SNX27: variants seen among roughly 807,000 people sequenced by gnomAD.
SNX27 encodes sorting nexin 27, also known as sorting nexin-27.
A neutral mutation model predicts 71.6 loss-of-function variants in SNX27; 22 were observed. The ratio of observed to expected loss-of-function variants is 0.31; its 90% CI spans 0.22 to 0.44. The LOEUF (loss-of-function observed/expected upper bound fraction) is 0.44. SNX27 is among the 20% of genes least tolerant of loss of function. The pLI is 1.00. For synonymous variants in SNX27, 269 were observed against 277.2 expected, an observed-to-expected ratio of 0.97 and a Z score of 0.29; for missense variants, 531 against 698.6, an observed-to-expected ratio of 0.76 and a Z score of 2.70.
Position 151,692,432 on chromosome 1 carries a change from T to TTTTTA in SNX27, c.1240-3_1240-2insTTTTA. ...TTTTTTTTTTTTTTTTTTTTTTTTT[T>TTTTTA]AGTACCTCAACATGCTAAGGACTTG... is the stretch of plus-strand genomic sequence containing the variant. On this transcript the variant is annotated splice_polypyrimidine_tract_variant and splice_region_variant and intron_variant, in intron 8 of 11. Coordinates refer to ENST00000458013, the MANE Select transcript of SNX27 (RefSeq NM_001330723.2). 27 of 1,452,004 alleles carry TTTTTA rather than the reference T, an allele frequency of 1.9e-5. No homozygotes were observed. Among genetic ancestry groups the TTTTTA allele is most frequent in the East Asian group, 2.6e-5 (1 of 38,034 alleles). 89.9% of individuals were successfully genotyped at this position (1,452,004 alleles called of 1,614,324 possible). A position where few individuals can be genotyped will look rare whatever the true frequency, so the allele number is the denominator to read the frequency against.
intron 1 of SNX27, among the ~76,000 whole-genome samples, chr1:151,624,652 G>A (rs531797058): frequency 4.6e-5 from 7 of 150,750 alleles, no homozygotes; most frequent in East Asian, 2.0e-4. Flanking sequence ...GGTTGGTCTC[G>A]AACTCCTGAC....
intron 7 of SNX27, chr1:151,675,844 T>G (rs1308434551): frequency 8.5e-6 from 1 of 117,534 alleles, no homozygotes. Flanking sequence ...TTTTTTTTTT[T>G]TATATAGGCT....
intron 9 of SNX27, 56 bp downstream of exon 9, chr1:151,692,640 C>T: frequency 6.3e-7 from 1 of 1,578,402 alleles, no homozygotes; most frequent in Admixed American, 1.9e-5. Flanking sequence ...TTGATGCTCA[C>T]TTGCTTGTGA....
At chr1:151,620,609 T>C (rs1228931894) in intron 1 of SNX27, among the ~76,000 whole-genome samples, 3 of 152,216 alleles carry the variant, frequency 2.0e-5, no homozygotes, top group Admixed American at 6.5e-5. Flanking sequence ...GTGTTTACAA[T>C]TGATAACTTT....
rs1158433855 is a variant in SNX27, at chr1:151,694,882, T to A, written c.*465T>A. 1 of 152,766 alleles carries A rather than the reference T, an allele frequency of 6.5e-6. No homozygotes were observed. The highest frequency in any genetic ancestry group is 1.5e-5 in the Non-Finnish European group (1 of 68,146). The allele number at this position is 152,766 out of a possible 1,614,324, so 9.5% of individuals were successfully genotyped here. A position where few individuals can be genotyped will look rare whatever the true frequency, so the allele number is the denominator to read the frequency against. On this transcript the variant is annotated 3_prime_UTR_variant, in exon 12 of 12. Transcript: ENST00000458013. ...AATTTCATATTGATGGCAGTACCTT[T>A]TTTAGCTTGTGTTTTTACACACCTT...
Position 151,642,932 on chromosome 1 carries a change from G to A in SNX27, c.543+3813G>A, listed in dbSNP as rs190764571. Among the ~76,000 whole-genome samples the A allele has an allele frequency of 6.6e-5, 10 of 151,574 alleles. No homozygotes were observed. The East Asian group carries it at 1.6e-3, about 24-fold the overall frequency. Reference sequence around the variant, plus strand: ...TGGGACTACAGGCGTGAGCCACCGCGCCCTGCCTATTTTTTATTTTTGTTT... The same window carrying A: ...TGGGACTACAGGCGTGAGCCACCGCACCCTGCCTATTTTTTATTTTTGTTT... On this transcript the variant is annotated intron_variant, in intron 2 of 11. Transcript: ENST00000458013.
At chr1:151,669,434 C>T (rs1670359434) in intron 7 of SNX27, 1 of 152,134 alleles carries the variant, frequency 6.6e-6, no homozygotes, top group Non-Finnish European at 1.5e-5. Flanking sequence ...TTTCTGTGTA[C>T]TTACAATTAA....
chr1:151,681,596 C>T (rs925367859), intron 7 of SNX27, among the ~76,000 whole-genome samples: 1 of 152,092 alleles, frequency 6.6e-6, no homozygotes, highest in Non-Finnish European at 1.5e-5. Flanking sequence ...CCTTAAAATA[C>T]TCTGGGAAAT....
rs1464837373 is a variant in SNX27 at position 151,694,419 on chromosome 1, C to T, written c.*2C>T. The T allele has an allele frequency of 6.5e-7, 1 of 1,550,230 alleles. No homozygotes were observed. Among genetic ancestry groups the T allele is most frequent in the African/African-American group, 1.4e-5 (1 of 72,960 alleles). On this transcript the variant is annotated 3_prime_UTR_variant, in exon 12 of 12. Transcript: ENST00000458013. Reference sequence around the variant, plus strand: ...CAGCAGAGAGATGTGGCCACCTAGCCTTTCCTTATCCCCTTCCCTTCCCTT... The same window carrying T: ...CAGCAGAGAGATGTGGCCACCTAGCTTTTCCTTATCCCCTTCCCTTCCCTT...
intron 2 of SNX27, among the ~76,000 whole-genome samples, chr1:151,642,569 CT>C (rs1321063919): frequency 2.6e-5 from 4 of 151,964 alleles, no homozygotes; most frequent in African/African-American, 9.7e-5. Flanking sequence ...GGACACCAAT[CT>C]TTTATGTTTT....
intron 2 of SNX27, among the ~76,000 whole-genome samples, chr1:151,655,893 T>C (rs190772710): frequency 1.3e-5 from 2 of 152,202 alleles, no homozygotes; most frequent in African/African-American, 4.8e-5. Flanking sequence ...AGGAATAAGT[T>C]CCAGATGGAT....
chr1:151,646,843 G>A lies in SNX27; in HGVS notation c.543+7724G>A, dbSNP rs115591165. 6.6e-5 allele frequency among the ~76,000 whole-genome samples: 10 copies of A among 150,726 alleles called. No homozygotes were observed. The South Asian group carries it at 1.0e-3, about 16-fold the overall frequency. Reference sequence around the variant, plus strand: ...AGCATAATACCTTCTGTGTGTGTGCGTGTGTCAAGGTTTCTCTCTGTTGCC... The same window carrying A: ...AGCATAATACCTTCTGTGTGTGTGCATGTGTCAAGGTTTCTCTCTGTTGCC... On this transcript the variant is annotated intron_variant, in intron 2 of 11. Transcript: ENST00000458013.
Position 151,662,239 on chromosome 1 carries a change from A to G in SNX27, c.875A>G (p.Lys292Arg). ...PDGTTVTVRV[K>R]KNSTTDQVYQ... ...GGAACAACGGTTACAGTCAGGGTTA[A>G]AAAGAACAGTACTACAGACCAAGTA... Residue 292 changes from lysine to arginine, a missense_variant, in exon 5 of 12, where the codon AAA becomes AGA. This residue lies in a region of SNX27 where 184 missense variants were observed against 289.6 expected (regional missense o/e 0.64). Coordinates refer to ENST00000458013, the MANE Select transcript of SNX27 (RefSeq NM_001330723.2). The G allele has an allele frequency of 6.2e-7, 1 of 1,613,304 alleles. No individual in the cohort carries two copies. The highest frequency in any genetic ancestry group is 1.7e-5 in the Admixed American group (1 of 60,010).
chr1:151,677,891 T>C (rs561217243), intron 7 of SNX27: 6 of 152,242 alleles, frequency 3.9e-5, no homozygotes, highest in Non-Finnish European at 8.8e-5. Context: ...AACAGCTTTA[T>C]TGAGGTATAG....
At chr1:151,636,594 A>G (rs1196209761) in intron 1 of SNX27, among the ~76,000 whole-genome samples, 3 of 149,078 alleles carry the variant, frequency 2.0e-5, no homozygotes, top group Non-Finnish European at 4.4e-5. Context: ...TGTGAGCCAC[A>G]CTGTGCCTAG....
chr1:151,650,946 G>C (rs950120722), intron 2 of SNX27, among the ~76,000 whole-genome samples: 2 of 152,206 alleles, frequency 1.3e-5, no homozygotes, highest in African/African-American at 4.8e-5. Context: ...AGGATCCCAA[G>C]GCAGAAGAAG....
At position 151,693,032 on chromosome 1, in the gene SNX27, C is replaced by T. The variant is rs1671529328; in HGVS notation, c.1511C>T (p.Thr504Met). The change falls in exon 10 of 12, where the codon ACG becomes ATG. Residue 504 changes from threonine to methionine, a missense_variant. By Grantham distance (81) the Thr-to-Met change is moderately conservative. Coordinates refer to ENST00000458013, the MANE Select transcript of SNX27 (RefSeq NM_001330723.2). ...AAGCCCCGATGGGTTAAAATCTTCA[C>T]GCCATATGTGAGTGCAATTTGGGGA... Reference protein sequence around the residue: ...EKKPRWVKIFTPYFNYMHECF... With the variant: ...EKKPRWVKIFMPYFNYMHECF... 1.9e-6 allele frequency: 3 copies of T among 1,613,816 alleles called. No homozygotes were observed. Among genetic ancestry groups the T allele is most frequent in the South Asian group, 1.1e-5 (1 of 91,058 alleles).
chr1:151,689,029 A>G (rs1558076113), intron 8 of SNX27, among the ~76,000 whole-genome samples: 1 of 152,120 alleles, frequency 6.6e-6, no homozygotes, highest in Non-Finnish European at 1.5e-5. Context: ...AGCTTATGCC[A>G]TTAAGAAGTC....
chr1:151,672,569 T>C (rs958496693), intron 7 of SNX27, among the ~76,000 whole-genome samples: 6 of 152,274 alleles, frequency 3.9e-5, no homozygotes, highest in Middle Eastern at 3.4e-3. Context: ...CTAGAATTGG[T>C]ATTAATTCTT....
Sources: gnomAD v4.1 joint callset for allele counts (sites outside exome capture counted in the v4.1 genomes callset) on GRCh38, gnomAD v4.1.1 for gene constraint, gnomAD v4.1.1 regional missense constraint, MANE v1.5 for transcripts, NCBI Gene and HGNC (gene_info 2026-07-23, HGNC 2026-07-21) for gene names.